PI4KA: variants seen among roughly 807,000 people sequenced by gnomAD.
PI4KA encodes the protein PI4-kinase alpha.
In PI4KA, 122 loss-of-function variants were observed where a neutral mutation model predicts 271.4. That is an observed-to-expected ratio of 0.45 (90% CI 0.39 to 0.52). PI4KA has a LOEUF of 0.52. PI4KA is among the 20% of genes least tolerant of loss of function. The pLI, the probability that PI4KA is intolerant of heterozygous loss-of-function variation, is 0.00. For missense variants in PI4KA, 1,969 were observed against 2,769.1 expected (o/e 0.71, Z 6.48); for synonymous variants, 1,041 against 1,078.8 (o/e 0.96, Z 0.69).
intron 19 of PI4KA, among the ~76,000 whole-genome samples, chr22:20,774,954 T>C (rs376876086): frequency 5.3e-5 from 8 of 152,234 alleles, no homozygotes; most frequent in African/African-American, 1.9e-4. Flanking sequence ...GGTACGGGTA[T>C]ACAGGAGTTG....
intron 42 of PI4KA, among the ~76,000 whole-genome samples, chr22:20,722,931 GAC>G (rs1926913818): frequency 6.6e-6 from 1 of 152,280 alleles, no homozygotes; most frequent in Non-Finnish European, 1.5e-5. Context: ...TGTAAACACT[GAC>G]AGAGTTCCAA....
intron 19 of PI4KA, among the ~76,000 whole-genome samples, chr22:20,771,829 G>A (rs1245495165): frequency 1.3e-5 from 2 of 151,988 alleles, no homozygotes; most frequent in Admixed American, 6.6e-5. Flanking sequence ...TGATCCACCC[G>A]CCTTGGCCTC....
chr22:20,824,529 C>A (rs945158618), intron 3 of PI4KA, 115 bp from the exon 4 acceptor site: 1 of 664,050 alleles, frequency 1.5e-6, no homozygotes, highest in Non-Finnish European at 2.6e-6. Context: ...GACCAGTTTA[C>A]AGCAGCTGCC....
intron 19 of PI4KA, among the ~76,000 whole-genome samples, chr22:20,770,513 CAAA>C (rs1178691364): frequency 7.6e-5 from 1 of 13,200 alleles, no homozygotes; most frequent in Non-Finnish European, 1.4e-4. Context: ...AACTCCGTCT[CAAA>C]AAAAAAAAAA....
chr22:20,723,724 G>A (rs968052286), intron 42 of PI4KA, among the ~76,000 whole-genome samples: 3 of 151,974 alleles, frequency 2.0e-5, no homozygotes, highest in Admixed American at 6.5e-5. Flanking sequence ...CTAGCTACTC[G>A]GGAGGCTGGG....
rs554339032 is a variant in PI4KA, at chr22:20,768,962, G to A, written c.2329-3269C>T. Among the ~76,000 whole-genome samples the A allele has an allele frequency of 1.1e-3, 163 of 152,286 alleles. 1 individual carries two copies. The highest frequency in any genetic ancestry group is 2.5e-3 in the Admixed American group (38 of 15,290). On this transcript the variant is annotated intron_variant, in intron 19 of 54. Transcript: ENST00000255882. ...GGACTGACTGTCTCTGAAGTGACCGGCCTCCCAGGATAAGGTCCCAAGTGA... is the reference window on the plus strand; with the variant it reads ...GGACTGACTGTCTCTGAAGTGACCGACCTCCCAGGATAAGGTCCCAAGTGA...
In PI4KA at chr22:20,753,014, T is replaced by A. The variant is rs138185344; in HGVS notation, c.2876A>T (p.Glu959Val). 2 of 1,614,126 alleles carry A rather than the reference T, an allele frequency of 1.2e-6. No individual in the cohort carries two copies. Among genetic ancestry groups the A allele is most frequent in the African/African-American group, 2.7e-5 (2 of 74,944 alleles). Reference protein sequence around the residue: ...NMMADKAKTKENEEELERHAQ... With the variant: ...NMMADKAKTKVNEEELERHAQ... ...GTGCCGCTCCAGCTCCTCCTCGTTCTCCTTGGTCTTGGCCTAGAGATGCAA... is the reference window on the plus strand; with the variant it reads ...GTGCCGCTCCAGCTCCTCCTCGTTCACCTTGGTCTTGGCCTAGAGATGCAA... The change falls in exon 25 of 55, where the codon GAG (glutamate) becomes GTG (valine). Residue 959 changes from glutamate (E) to valine (V), a missense_variant. Physicochemically the swap from Glu to Val is moderately radical, Grantham distance 121. This residue lies in a region of PI4KA where 368 missense variants were observed against 544.3 expected (regional missense o/e 0.68). Coordinates refer to ENST00000255882, the MANE Select transcript of PI4KA (RefSeq NM_058004.4).
At chr22:20,763,078 C>T (rs1405585110) in intron 22 of PI4KA, among the ~76,000 whole-genome samples, 1 of 148,246 alleles carries the variant, frequency 6.7e-6, no homozygotes, top group African/African-American at 2.5e-5. Flanking sequence ...AACTTCCGGG[C>T]TCAAGTGATC....
intron 2 of PI4KA, among the ~76,000 whole-genome samples, chr22:20,837,769 AT>A (rs1925043157): frequency 6.6e-6 from 1 of 152,144 alleles, no homozygotes; most frequent in Admixed American, 6.6e-5. Context: ...CAGTCACACT[AT>A]TTTTTTGTTG....
intron 29 of PI4KA, among the ~76,000 whole-genome samples, chr22:20,747,220 G>A (rs528488354): frequency 2.6e-5 from 4 of 152,232 alleles, no homozygotes; most frequent in African/African-American, 9.7e-5. Context: ...CAGGAGTCCA[G>A]TATACGCTCC....
chr22:20,713,088 A>C (rs1207961816), intron 48 of PI4KA, 193 bp downstream of exon 48: 3 of 693,960 alleles, frequency 4.3e-6, no homozygotes, highest in Non-Finnish European at 7.4e-6. Context: ...CATGGCGGGG[A>C]CAGTGGGAAA....
chr22:20,756,466 C>T (rs1014925406), intron 23 of PI4KA, among the ~76,000 whole-genome samples: 12 of 152,012 alleles, frequency 7.9e-5, no homozygotes, highest in Non-Finnish European at 1.5e-4. Flanking sequence ...ATGATCCACC[C>T]GCCTTGGCCT....
At chr22:20,852,992 T>C (rs1345921077) in intron 1 of PI4KA, among the ~76,000 whole-genome samples, 1 of 152,214 alleles carries the variant, frequency 6.6e-6, no homozygotes, top group Admixed American at 6.5e-5. Flanking sequence ...ATCCCAGCAC[T>C]TTGGGCGGCC....
intron 19 of PI4KA, among the ~76,000 whole-genome samples, chr22:20,778,429 A>G (rs909391899): frequency 1.3e-5 from 2 of 152,140 alleles, no homozygotes; most frequent in Non-Finnish European, 2.9e-5. Flanking sequence ...GCTTGAGTCC[A>G]GGAGGCCGAA....
intron 1 of PI4KA, among the ~76,000 whole-genome samples, chr22:20,848,237 C>CAAAA (rs60503165): frequency 2.0e-5 from 1 of 51,226 alleles, no homozygotes. Flanking sequence ...GACTCCATCT[C>CAAAA]AAAAAAAAAA....
intron 29 of PI4KA, among the ~76,000 whole-genome samples, chr22:20,745,089 C>G (rs1929907284): frequency 6.6e-6 from 1 of 152,112 alleles, no homozygotes; most frequent in Middle Eastern, 3.2e-3. Flanking sequence ...ACTTACAGAC[C>G]GTAAAGGGGC....
At chr22:20,839,546 G>A (rs1569090740) in intron 1 of PI4KA, among the ~76,000 whole-genome samples, 1 of 152,108 alleles carries the variant, frequency 6.6e-6, no homozygotes, top group Non-Finnish European at 1.5e-5. Flanking sequence ...AAAATCAAAT[G>A]CATGGCCAGG....
rs766884028 is a variant in PI4KA at position 20,796,157 on chromosome 22, G to C, written c.2266C>G (p.Pro756Ala). The change falls in exon 18 of 55, where the codon CCT becomes GCT. Residue 756 changes from proline (P) to alanine (A), a missense_variant. Coordinates refer to ENST00000255882, the MANE Select transcript of PI4KA (RefSeq NM_058004.4). ...ATCCTCCTTCCTACCTTTAGGGCAG[G>C]GCCCTTCTCGCTTGCCCTCTCGCTG... ...RASERASEKG[P>A]ALKASSSAGN... 3 of 1,613,254 alleles carry C rather than the reference G, an allele frequency of 1.9e-6. No individual in the cohort carries two copies. The highest frequency in any genetic ancestry group is 1.3e-5 in the African/African-American group (1 of 75,016).
At chr22:20,737,078 C>G (rs958568605) in intron 32 of PI4KA, among the ~76,000 whole-genome samples, 1 of 152,222 alleles carries the variant, frequency 6.6e-6, no homozygotes, top group African/African-American at 2.4e-5. Flanking sequence ...ACCATGCAGG[C>G]TGTGGGCCAA....
Sources: gnomAD v4.1 joint callset for allele counts (sites outside exome capture counted in the v4.1 genomes callset) on GRCh38, gnomAD v4.1.1 for gene constraint, gnomAD v4.1.1 regional missense constraint, MANE v1.5 for transcripts, NCBI Gene and HGNC (gene_info 2026-07-23, HGNC 2026-07-21) for gene names.